The following PROX2 variants were observed in gnomAD, a reference collection of about 807,000 sequenced individuals.
PROX2 encodes the protein prospero homeobox protein 2.
In PROX2, 46 loss-of-function variants were observed where a neutral mutation model predicts 48.9. The ratio of observed to expected loss-of-function variants is 0.94; its 90% CI spans 0.74 to 1.20. PROX2 has a LOEUF of 1.20. Ranked by LOEUF, PROX2 falls within the 50% of genes most tolerant of loss-of-function variation. The pLI, the probability that PROX2 is intolerant of heterozygous loss-of-function variation, is 0.00. For synonymous variants in PROX2, 260 were observed against 276.6 expected, an observed-to-expected ratio of 0.94 and a Z score of 0.60; for missense variants, 663 against 719.4, an observed-to-expected ratio of 0.92 and a Z score of 0.90.
rs778045870 is a variant in PROX2, at chr14:74,862,975, G to T, written c.860C>A (p.Ala287Asp). 7.4e-6 allele frequency: 12 copies of T among 1,613,858 alleles called. No homozygotes were observed. The African/African-American group carries it at 1.5e-4, about 20-fold the overall frequency. Residue 287 changes from alanine to aspartate, a missense_variant, in exon 3 of 6, where the codon GCC becomes GAC. Physicochemically the swap from Ala to Asp is moderately radical, Grantham distance 126. Transcript: ENST00000556489. Reference protein sequence around the residue: ...GACKDPLALAALPRRVQLQAG... With the variant: ...GACKDPLALADLPRRVQLQAG... ...TTGTAGCTGGACCCTCCTGGGCAAG[G>T]CAGCCAAAGCAAGTGGATCTTTACA... is the stretch of plus-strand genomic sequence containing the variant.
chr14:74,854,237 G>A lies in PROX2; in HGVS notation c.*895C>T. ...TGGAGACTATTTGCATTATCCAGCTGATAAACTCTTCCAGCAGACAAATGT... is the reference window on the plus strand; with the variant it reads ...TGGAGACTATTTGCATTATCCAGCTAATAAACTCTTCCAGCAGACAAATGT... On this transcript the variant is annotated 3_prime_UTR_variant, in exon 6 of 6. Transcript: ENST00000556489. The A allele has an allele frequency of 2.1e-6, 1 of 467,348 alleles. No individual in the cohort carries two copies. Among genetic ancestry groups the A allele is most frequent in the Non-Finnish European group, 4.3e-6 (1 of 232,636 alleles). The allele number at this position is 467,348 out of a possible 1,614,324, so 29.0% of individuals were successfully genotyped here.
At chr14:74,858,189 C>G (rs1233876794) in intron 4 of PROX2, 1 of 471,464 alleles carries the variant, frequency 2.1e-6, no homozygotes, top group Non-Finnish European at 3.8e-6. Flanking sequence ...ATCTACAGCT[C>G]AGTAGCTTAA....
chr14:74,870,274 T>A (rs1347925640), intron 2 of PROX2, among the ~76,000 whole-genome samples: 1 of 141,214 alleles, frequency 7.1e-6, no homozygotes, highest in Non-Finnish European at 1.6e-5. Flanking sequence ...AAAAAAAAAA[T>A]CACCTGGGCA....
At chr14:74,872,509 G>T (rs1344297750) in intron 1 of PROX2, among the ~76,000 whole-genome samples, 3 of 152,104 alleles carry the variant, frequency 2.0e-5, no homozygotes, top group Non-Finnish European at 4.4e-5. Context: ...TAATAATGAT[G>T]ACTTAATCAC....
At chr14:74,867,518 A>G (rs1007563896) in intron 2 of PROX2, among the ~76,000 whole-genome samples, 10 of 152,356 alleles carry the variant, frequency 6.6e-5, no homozygotes, top group Admixed American at 2.0e-4. Context: ...CCTGACTGCC[A>G]GATGTTACCA....
chr14:74,865,209 A>T (rs1883023207), intron 2 of PROX2: 1 of 151,790 alleles, frequency 6.6e-6, no homozygotes, highest in Non-Finnish European at 1.5e-5. Flanking sequence ...AAATCAGATT[A>T]CGCATTCACT....
Position 74,863,717 on chromosome 14 carries a change from A to G in PROX2, c.118T>C (p.Phe40Leu). 2 of 1,532,908 alleles carry G rather than the reference A, an allele frequency of 1.3e-6. No individual in the cohort carries two copies. Among genetic ancestry groups the G allele is most frequent in the Non-Finnish European group, 1.7e-6 (2 of 1,143,504 alleles). 95.0% of individuals were successfully genotyped at this position (1,532,908 alleles called of 1,614,324 possible). A position where few individuals can be genotyped will look rare whatever the true frequency, so the allele number is the denominator to read the frequency against. ...GAGCTGGGGACCTGACTCCAGGGAA[A>G]CGGGGAGTCTCTATCCAGCTCTGGA... ...SPPELDRDSP[F>L]PWSQVPSSSP... is the part of the protein sequence containing the mutation. The change falls in exon 3 of 6, where the codon TTT becomes CTT. Residue 40 changes from phenylalanine (F) to leucine (L), a missense_variant. Transcript: ENST00000556489.
intron 5 of PROX2, 65 bp downstream of exon 5, chr14:74,856,736 T>TA: frequency 6.9e-7 from 1 of 1,442,396 alleles, no homozygotes; most frequent in Non-Finnish European, 9.6e-7. Flanking sequence ...GGATCTTTCC[T>TA]AAAACTCGAA....
chr14:74,861,107 G>C (rs1438646113), intron 3 of PROX2: 1 of 763,640 alleles, frequency 1.3e-6, no homozygotes, highest in Non-Finnish European at 2.0e-6. Flanking sequence ...GGCGCTCATG[G>C]CATTTAGGAC....
At position 74,861,118 on chromosome 14, in the gene PROX2, A is replaced by G. The variant is rs1273438082; in HGVS notation, c.1305+1412T>C. The stretch of plus-strand genomic sequence containing the variant: ...AGGGGGCGCTCATGGCATTTAGGAC[A>G]CAAAGGCAGGTTCTGGCATGGTAAT... On this transcript the variant is annotated intron_variant, in intron 3 of 5. Transcript: ENST00000556489. The G allele has an allele frequency of 7.7e-6, 7 of 914,920 alleles. No homozygotes were observed. The East Asian group carries it at 3.5e-4, about 46-fold the overall frequency. The allele number at this position is 914,920 out of a possible 1,614,324, so 56.7% of individuals were successfully genotyped here. A position where few individuals can be genotyped will look rare whatever the true frequency, so the allele number is the denominator to read the frequency against.
chr14:74,860,855 C>T (rs902952998), intron 3 of PROX2, among the ~76,000 whole-genome samples: 1 of 152,130 alleles, frequency 6.6e-6, no homozygotes, highest in Non-Finnish European at 1.5e-5. Flanking sequence ...TGTAGGTGCT[C>T]AACAAATAGC....
rs1264059646 is a variant in PROX2, at chr14:74,863,276, C to T, written c.559G>A (p.Val187Ile). 2 of 1,613,946 alleles carry T rather than the reference C, an allele frequency of 1.2e-6. No homozygotes were observed. Among genetic ancestry groups the T allele is most frequent in the African/African-American group, 1.3e-5 (1 of 75,066 alleles). The part of the protein sequence containing the change: ...QGNGCGPRPW[V>I]VDGDHQQGTS... ...CCTTGCTGGTGGTCACCGTCCACAACCCAGGGGCGAGGCCCACAGCCATTC... is the reference window on the plus strand; with the variant it reads ...CCTTGCTGGTGGTCACCGTCCACAATCCAGGGGCGAGGCCCACAGCCATTC... The change falls in exon 3 of 6, where the codon GTT becomes ATT. Residue 187 changes from valine (V) to isoleucine (I), a missense_variant. Coordinates refer to ENST00000556489, the MANE Select transcript of PROX2 (RefSeq NM_001243007.2).
In PROX2 at chr14:74,855,260, C is replaced by A; in HGVS notation, c.1651G>T (p.Glu551Ter). The change falls in exon 6 of 6, where the codon GAG (glutamate) becomes TAG (stop). Residue 551 changes from glutamate to a stop codon, truncating the protein, a stop_gained. Coordinates refer to ENST00000556489, the MANE Select transcript of PROX2 (RefSeq NM_001243007.2). LOFTEE classifies it high-confidence loss of function. ...CCTGCGGAGACAGCCCTGAAGAACT[C>A]CTGTAACGTCAAGCTGGCAATTTCC... ...FLEIASLTLQ[E>*]FFRAVSAGRD... is the part of the protein sequence containing the mutation. The A allele has an allele frequency of 6.4e-7, 1 of 1,565,624 alleles. No homozygotes were observed. The highest frequency in any genetic ancestry group is 8.7e-7 in the Non-Finnish European group (1 of 1,147,024).
Position 74,863,228 on chromosome 14 carries a change from C to T in PROX2, c.607G>A (p.Ala203Thr). The change falls in exon 3 of 6, where the codon GCA (alanine) becomes ACA (threonine). Residue 203 changes from alanine to threonine, a missense_variant. Physicochemically the swap from Ala to Thr is moderately conservative, Grantham distance 58. Coordinates refer to ENST00000556489, the MANE Select transcript of PROX2 (RefSeq NM_001243007.2). ...QQGTSKDLSG[A>T]EKHQESEKPS... is the part of the protein sequence containing the mutation. Reference sequence around the variant, plus strand: ...TTCTCAGACTCTTGGTGTTTTTCTGCCCCAGAGAGGTCCTTGCTGGTACCT... The same window carrying T: ...TTCTCAGACTCTTGGTGTTTTTCTGTCCCAGAGAGGTCCTTGCTGGTACCT... 1 of 1,613,820 alleles carries T rather than the reference C, an allele frequency of 6.2e-7. No individual in the cohort carries two copies. The highest frequency in any genetic ancestry group is 8.5e-7 in the Non-Finnish European group (1 of 1,179,806).
rs1397804210 is a variant in PROX2, at chr14:74,853,664, A to T, written c.*1468T>A. 6.6e-6 allele frequency: 1 copy of T among 152,198 alleles called. No homozygotes were observed. Among genetic ancestry groups the T allele is most frequent in the Non-Finnish European group, 1.5e-5 (1 of 68,040 alleles). The allele number at this position is 152,198 out of a possible 1,614,324, so 9.4% of individuals were successfully genotyped here. A position where few individuals can be genotyped will look rare whatever the true frequency, so the allele number is the denominator to read the frequency against. ...CCCACCAGAAAAATTATGGAAGTTG[A>T]GTAGCCGAATATGAAACTTGTTTTA... On this transcript the variant is annotated 3_prime_UTR_variant, in exon 6 of 6. Transcript: ENST00000556489.
In PROX2 at chr14:74,862,783, C is replaced by T. The variant is rs753294041; in HGVS notation, c.1052G>A (p.Gly351Asp). ...CCAATGGCCATTGTTGTATCTATGA[C>T]CCAGTAGCTGGCTAAGAATCTGATT... Reference protein sequence around the residue: ...QENQILSQLLGHRYNNGHWSS... With the variant: ...QENQILSQLLDHRYNNGHWSS... The change falls in exon 3 of 6, where the codon GGT (glycine) becomes GAT (aspartate). Residue 351 changes from glycine to aspartate, a missense_variant. Gly to Asp is a moderately conservative substitution (Grantham distance 94). Transcript: ENST00000556489. 1.1e-5 allele frequency: 18 copies of T among 1,613,834 alleles called. No individual in the cohort carries two copies. Among genetic ancestry groups the T allele is most frequent in the Non-Finnish European group, 1.5e-5 (18 of 1,179,892 alleles).
At chr14:74,857,654 TTCAC>T (rs1215826846) in intron 4 of PROX2, 2 of 152,180 alleles carry the variant, frequency 1.3e-5, no homozygotes, top group African/African-American at 4.8e-5. Context: ...TGTATGTACT[TTCAC>T]TCAGTTTTGA....
At chr14:74,858,810 G>GTGTGTGT (rs1555371205) in intron 3 of PROX2, 3 of 273,026 alleles carry the variant, frequency 1.1e-5, no homozygotes, top group South Asian at 8.4e-5. Context: ...GTGTGTGTGT[G>GTGTGTGT]GTGTCTTAGA....
chr14:74,863,013 A>C lies in PROX2; in HGVS notation c.822T>G (p.Pro274=). 1.2e-6 allele frequency: 2 copies of C among 1,613,958 alleles called. No homozygotes were observed. Among genetic ancestry groups the C allele is most frequent in the Non-Finnish European group, 1.7e-6 (2 of 1,179,864 alleles). The change falls in exon 3 of 6, where the codon CCT becomes CCG. Residue 274 remains proline, a synonymous_variant. Transcript: ENST00000556489. ...VAEGRSEPSP[P]VGGACKDPLA... The stretch of plus-strand genomic sequence containing the variant: ...GTGGATCTTTACAGGCCCCTCCCAC[A>C]GGAGGTGAGGGCTCGCTTCTACCCT...
Sources: allele counts gnomAD v4.1 joint callset (sites outside exome capture counted in the v4.1 genomes callset), GRCh38; gene constraint gnomAD v4.1.1; transcripts MANE v1.5; gene names NCBI Gene and HGNC (gene_info 2026-07-23, HGNC 2026-07-21).